STAC: variants seen among roughly 807,000 people sequenced by gnomAD.
STAC encodes SH3 and cysteine rich domain, also known as SH3 and cysteine-rich domain-containing protein.
Under a neutral mutation model 48.8 loss-of-function variants are expected in STAC, and 43 were observed. The ratio of observed to expected loss-of-function variants is 0.88; its 90% CI spans 0.69 to 1.14. The LOEUF (loss-of-function observed/expected upper bound fraction) is 1.14. Among genes scored for constraint, STAC ranks in the 50% most tolerant of loss-of-function variants. The pLI is 0.00. For synonymous variants in STAC, 193 were observed against 179.5 expected (o/e 1.07, Z -0.60); for missense variants, 497 against 504.0 (o/e 0.99, Z 0.13).
intron 7 of STAC, among the ~76,000 whole-genome samples, chr3:36,505,176 C>A (rs1044710165): frequency 2.6e-5 from 4 of 152,164 alleles, no homozygotes; most frequent in African/African-American, 9.6e-5. Context: ...AAAACAGCAG[C>A]TTGTATTGTC....
At chr3:36,492,356 G>T (rs916189173) in intron 5 of STAC, among the ~76,000 whole-genome samples, 1 of 152,026 alleles carries the variant, frequency 6.6e-6, no homozygotes, top group African/African-American at 2.4e-5. Flanking sequence ...TTAAGAGCAC[G>T]AGCTCTGGAG....
intron 2 of STAC, among the ~76,000 whole-genome samples, chr3:36,448,528 G>A (rs4678879): frequency 0.28 from 42,755 of 152,034 alleles, 6,584 homozygotes; most frequent in Middle Eastern, 0.39. Flanking sequence ...GCCTGGTCAC[G>A]GAATTTTAAG....
chr3:36,440,821 G>A (rs1696324693), intron 1 of STAC, among the ~76,000 whole-genome samples: 1 of 152,164 alleles, frequency 6.6e-6, no homozygotes, highest in African/African-American at 2.4e-5. Flanking sequence ...GAGGTGGCTG[G>A]GCTTGGCAAG....
At chr3:36,425,893 T>C (rs1364722189) in intron 1 of STAC, among the ~76,000 whole-genome samples, 2 of 151,836 alleles carry the variant, frequency 1.3e-5, no homozygotes, top group Non-Finnish European at 2.9e-5. Flanking sequence ...TAGCAAGGAA[T>C]GGTGATGTGT....
intron 10 of STAC, among the ~76,000 whole-genome samples, chr3:36,544,500 G>A (rs1327334681): frequency 3.6e-5 from 5 of 137,316 alleles, no homozygotes; most frequent in African/African-American, 7.9e-5. Context: ...TTATTTATTT[G>A]TTTATTTATT....
intron 1 of STAC, among the ~76,000 whole-genome samples, chr3:36,399,512 G>A (rs1020845971): frequency 6.6e-6 from 1 of 152,166 alleles, no homozygotes; most frequent in African/African-American, 2.4e-5. Flanking sequence ...TAGATTTTCA[G>A]GGAGGGTGTT....
intron 10 of STAC, among the ~76,000 whole-genome samples, chr3:36,538,994 T>C (rs4340653): frequency 0.037 from 5,667 of 152,218 alleles, 366 homozygotes; most frequent in African/African-American, 0.13. Context: ...TCCTTTATAG[T>C]TTTAGTGTCT....
At chr3:36,488,716 T>C (rs1423490945) in intron 5 of STAC, among the ~76,000 whole-genome samples, 1 of 152,164 alleles carries the variant, frequency 6.6e-6, no homozygotes, top group Non-Finnish European at 1.5e-5. Context: ...ATACCCTTAG[T>C]ATTTATCACC....
chr3:36,479,308 T>C lies in STAC; in HGVS notation c.389-3684T>C, dbSNP rs538540724. ...AACAGCTTCTGAAATTTCATCTTCT[T>C]CTAGTTTCCAAGTTGCTACTGAGAA... On this transcript the variant is annotated intron_variant, in intron 2 of 10. Transcript: ENST00000273183. Among the ~76,000 whole-genome samples, 7 of 151,624 alleles carry C rather than the reference T, an allele frequency of 4.6e-5. No individual in the cohort carries two copies. The East Asian group carries it at 1.3e-3, about 29-fold the overall frequency.
intron 6 of STAC, among the ~76,000 whole-genome samples, chr3:36,496,387 G>T (rs945284714): frequency 6.6e-6 from 1 of 152,176 alleles, no homozygotes. Flanking sequence ...CTCATGCAAG[G>T]AGGGTGTTGC....
chr3:36,418,867 G>C (rs1315212927), intron 1 of STAC, among the ~76,000 whole-genome samples: 1 of 151,926 alleles, frequency 6.6e-6, no homozygotes, highest in Non-Finnish European at 1.5e-5. Context: ...GACCAACATG[G>C]AGAAACCCTG....
intron 1 of STAC, among the ~76,000 whole-genome samples, chr3:36,382,182 A>C (rs1699524938): frequency 6.6e-6 from 1 of 152,210 alleles, no homozygotes; most frequent in African/African-American, 2.4e-5. Flanking sequence ...CTCCCATTGA[A>C]CATCAGTCCC....
chr3:36,502,974 A>C (rs1033646089), intron 6 of STAC, among the ~76,000 whole-genome samples: 1 of 152,204 alleles, frequency 6.6e-6, no homozygotes, highest in East Asian at 1.9e-4. Context: ...GCATCAGTAC[A>C]TTTACAGAGG....
chr3:36,389,956 A>C (rs982098270), intron 1 of STAC, among the ~76,000 whole-genome samples: 4 of 130,094 alleles, frequency 3.1e-5, no homozygotes, highest in Non-Finnish European at 5.0e-5. Context: ...TGTAACTATA[A>C]TTCTCTTTCA....
chr3:36,522,148 G>C (rs1431497076), intron 8 of STAC, among the ~76,000 whole-genome samples: 1 of 152,088 alleles, frequency 6.6e-6, no homozygotes, highest in Non-Finnish European at 1.5e-5. Context: ...AATTTATCAT[G>C]CATAATATAT....
intron 8 of STAC, among the ~76,000 whole-genome samples, chr3:36,514,760 C>T (rs991176710): frequency 2.6e-5 from 4 of 152,104 alleles, no homozygotes; most frequent in African/African-American, 7.2e-5. Flanking sequence ...GTAGGCCGGG[C>T]GCAGTGGCTC....
intron 7 of STAC, 76 bp downstream of exon 7, chr3:36,504,533 C>A: frequency 7.7e-7 from 1 of 1,303,964 alleles, no homozygotes; most frequent in Non-Finnish European, 1.1e-6. Flanking sequence ...CCAAGTGGGT[C>A]ATGAAATCAA....
chr3:36,418,424 T>C (rs1042707365), intron 1 of STAC, among the ~76,000 whole-genome samples: 1 of 152,182 alleles, frequency 6.6e-6, no homozygotes, highest in African/African-American at 2.4e-5. Flanking sequence ...TTTAGGTGTT[T>C]TAATGTTTGC....
intron 2 of STAC, among the ~76,000 whole-genome samples, chr3:36,452,198 C>T (rs955668363): frequency 6.6e-6 from 1 of 152,164 alleles, no homozygotes; most frequent in Middle Eastern, 3.2e-3. Flanking sequence ...TTTTTTGCTT[C>T]CCTATACCCC....
Sources: allele counts gnomAD v4.1 joint callset (sites outside exome capture counted in the v4.1 genomes callset), GRCh38; gene constraint gnomAD v4.1.1; transcripts MANE v1.5; gene names NCBI Gene and HGNC (gene_info 2026-07-23, HGNC 2026-07-21).